NAA16: variants seen among roughly 807,000 people sequenced by gnomAD.
The protein encoded by NAA16 is N-alpha-acetyltransferase 16, NatA auxiliary subunit.
NAA16 carries 97 observed loss-of-function variants against 110.3 expected under a neutral mutation model. The ratio of observed to expected loss-of-function variants is 0.88; its 90% CI spans 0.75 to 1.04. The LOEUF (loss-of-function observed/expected upper bound fraction) is 1.04, where lower values mean the gene tolerates loss of function less well. NAA16 is among the 50% of genes least tolerant of loss of function. The pLI is 0.00. For synonymous variants in NAA16, 372 were observed against 330.6 expected (o/e 1.13, Z -1.36); for missense variants, 1,017 against 1,005.1 (o/e 1.01, Z -0.16).
At position 41,316,169 on chromosome 13, in the gene NAA16, G is replaced by A. The variant is rs182960441; in HGVS notation, c.55-677G>A. Among the ~76,000 whole-genome samples, 19 of 152,112 alleles carry A rather than the reference G, an allele frequency of 1.2e-4. No individual in the cohort carries two copies. In the East Asian group the frequency reaches 2.7e-3, roughly 22 times the overall value. ...TTTTGAGACAGGGTCTCATTCAGTC[G>A]CCCAGGCTGGAGTGCAGTGGCATGA... On this transcript the variant is annotated intron_variant, in intron 1 of 19. Transcript: ENST00000379406.
chr13:41,349,011 C>G (rs1478199490), intron 9 of NAA16, among the ~76,000 whole-genome samples: 1 of 151,940 alleles, frequency 6.6e-6, no homozygotes, highest in Non-Finnish European at 1.5e-5. Flanking sequence ...TTTGAGTGTT[C>G]TCTATTTTTT....
chr13:41,356,366 C>T (rs1028280899), intron 10 of NAA16, among the ~76,000 whole-genome samples: 3 of 151,918 alleles, frequency 2.0e-5, no homozygotes, highest in African/African-American at 4.8e-5. Context: ...ACTGTTTCAT[C>T]TGTAAATATC....
At chr13:41,373,849 C>A (rs2043373713) in intron 18 of NAA16, 69 bp downstream of exon 18, 2 of 1,515,522 alleles carry the variant, frequency 1.3e-6, no homozygotes, top group African/African-American at 2.8e-5. Context: ...TTTGACACCC[C>A]CAAAATGTAA....
intron 14 of NAA16, among the ~76,000 whole-genome samples, chr13:41,368,643 G>T (rs1489771800): frequency 6.6e-6 from 1 of 152,176 alleles, no homozygotes; most frequent in Non-Finnish European, 1.5e-5. Context: ...GGTTCCACAT[G>T]GGTGGAACAA....
At position 41,320,516 on chromosome 13, in the gene NAA16, A is replaced by C. The variant is rs1449084372; in HGVS notation, c.245-151A>C. ...CCAGCCTGCTCTGGTTTCGTCTTTA[A>C]CTTCCCCTCACCATTCCCCTCCCCC... On this transcript the variant is annotated intron_variant, in intron 3 of 19. Transcript: ENST00000379406. The C allele has an allele frequency of 4.5e-6, 3 of 672,432 alleles. No individual in the cohort carries two copies. In the East Asian group the frequency reaches 9.6e-5, roughly 22 times the overall value. 41.7% of individuals were successfully genotyped at this position (672,432 alleles called of 1,614,324 possible).
Position 41,331,872 on chromosome 13 carries a change from G to T in NAA16, c.907+503G>T, listed in dbSNP as rs143365324. 5.9e-5 allele frequency among the ~76,000 whole-genome samples: 9 copies of T among 152,194 alleles called. No individual in the cohort carries two copies. The East Asian group carries it at 1.7e-3, about 29-fold the overall frequency. ...AAATACCCTGACTTGATCGTTACAC[G>T]TTCTCTGTATGTAACAAAATATCAT... On this transcript the variant is annotated intron_variant, in intron 8 of 19. Coordinates refer to ENST00000379406, the MANE Select transcript of NAA16 (RefSeq NM_024561.5).
At chr13:41,324,299 T>C (rs567463811) in intron 5 of NAA16, among the ~76,000 whole-genome samples, 2 of 150,520 alleles carry the variant, frequency 1.3e-5, no homozygotes, top group Non-Finnish European at 3.0e-5. Context: ...TAAAAAACTT[T>C]CCTTTGAACA....
At chr13:41,312,817 GT>G (rs1390976522) in intron 1 of NAA16, among the ~76,000 whole-genome samples, 1 of 152,086 alleles carries the variant, frequency 6.6e-6, no homozygotes, top group Non-Finnish European at 1.5e-5. Context: ...GTGGTGCTTA[GT>G]TTTGAACCAA....
At chr13:41,343,807 C>T (rs144149989) in intron 9 of NAA16, among the ~76,000 whole-genome samples, 14 of 152,296 alleles carry the variant, frequency 9.2e-5, no homozygotes, top group African/African-American at 3.4e-4. Flanking sequence ...TCCCAAAGTG[C>T]TAGGATTACA....
chr13:41,333,639 A>G (rs2042299478), intron 8 of NAA16, among the ~76,000 whole-genome samples: 1 of 151,838 alleles, frequency 6.6e-6, no homozygotes. Context: ...AAATACATTC[A>G]TATGCTTCTT....
chr13:41,373,209 T>A, intron 17 of NAA16: 1 of 851,070 alleles, frequency 1.2e-6, no homozygotes, highest in Middle Eastern at 6.1e-4. Flanking sequence ...GAATAATAAT[T>A]ATACTATGTA....
chr13:41,372,240 T>TA lies in NAA16; in HGVS notation c.1986dup (p.Pro663ThrfsTer3). ...TTAGAGGAAGCCGTTAAGTTCCTTA[T>TA]ACCTCTTAAGAACCTTGTTGCTGAT... On this transcript the variant is annotated frameshift_variant, in exon 16 of 20. Transcript: ENST00000379406. LOFTEE classifies it high-confidence loss of function. The TA allele has an allele frequency of 1.2e-6, 2 of 1,601,660 alleles. No individual in the cohort carries two copies. Among genetic ancestry groups the TA allele is most frequent in the Non-Finnish European group, 1.7e-6 (2 of 1,175,112 alleles).
At chr13:41,340,957 G>C (rs983275974) in intron 9 of NAA16, among the ~76,000 whole-genome samples, 3 of 152,126 alleles carry the variant, frequency 2.0e-5, no homozygotes, top group Non-Finnish European at 4.4e-5. Flanking sequence ...GTGAGCCACC[G>C]CGCCCAGCTT....
In NAA16 at chr13:41,355,200, C is replaced by CT; in HGVS notation, c.1077dup (p.Ser360Ter). 6.3e-7 allele frequency: 1 copy of CT among 1,582,568 alleles called. No homozygotes were observed. Among genetic ancestry groups the CT allele is most frequent in the Non-Finnish European group, 8.6e-7 (1 of 1,162,646 alleles). On this transcript the variant is annotated frameshift_variant, in exon 10 of 20. Transcript: ENST00000379406. LOFTEE classifies it high-confidence loss of function. ...ATGAAGCCTCTCTTAAAACGTGTGA[C>CT]TTTTTTAGCCCATATGGTAAGTTTA...
intron 13 of NAA16, 101 bp downstream of exon 13, chr13:41,362,260 C>A: frequency 7.7e-7 from 1 of 1,299,102 alleles, no homozygotes; most frequent in Non-Finnish European, 1.0e-6. Flanking sequence ...TCTCTGGGAG[C>A]TTCATTGTGA....
intron 2 of NAA16, among the ~76,000 whole-genome samples, chr13:41,318,029 A>G (rs1366168407): frequency 6.6e-6 from 1 of 152,186 alleles, no homozygotes; most frequent in African/African-American, 2.4e-5. Context: ...GTCTGTTCCA[A>G]TATTGAATAA....
intron 1 of NAA16, among the ~76,000 whole-genome samples, chr13:41,315,348 A>C (rs893459221): frequency 2.0e-5 from 3 of 152,184 alleles, no homozygotes; most frequent in African/African-American, 7.2e-5. Flanking sequence ...AAGCCAGGGA[A>C]GAGTGGAAAG....
rs148385129 is a variant in NAA16, at chr13:41,337,974, C to T, written c.1014+1218C>T. On this transcript the variant is annotated intron_variant, in intron 9 of 19. Coordinates refer to ENST00000379406, the MANE Select transcript of NAA16 (RefSeq NM_024561.5). The stretch of plus-strand genomic sequence containing the variant: ...TTATGTTAAAAAAAACAAAAAAACC[C>T]AAAAAACCCTTACAATTCCTTAATG... Among the ~76,000 whole-genome samples, 583 of 152,080 alleles carry T rather than the reference C, an allele frequency of 3.8e-3. 2 individuals carry two copies. Among genetic ancestry groups the T allele is most frequent in the African/African-American group, 0.013 (552 of 41,472 alleles).
At chr13:41,351,032 A>G (rs1203168411) in intron 9 of NAA16, among the ~76,000 whole-genome samples, 1 of 152,174 alleles carries the variant, frequency 6.6e-6, no homozygotes, top group East Asian at 1.9e-4. Context: ...TGTGAGTGTC[A>G]GGCTCTTAAG....
Sources: allele counts gnomAD v4.1 joint callset (sites outside exome capture counted in the v4.1 genomes callset), GRCh38; gene constraint gnomAD v4.1.1; transcripts MANE v1.5; gene names NCBI Gene and HGNC (gene_info 2026-07-23, HGNC 2026-07-21).